Variants in PKD1L3 observed in about 807,000 individuals in gnomAD.
PKD1L3 encodes polycystin 1 like 3, transient receptor potential channel interacting.
Under a neutral mutation model 184.1 loss-of-function variants are expected in PKD1L3, and 239 were observed. The observed-to-expected ratio is 1.30, with a 90% confidence interval of 1.17 to 1.45. The LOEUF (loss-of-function observed/expected upper bound fraction) is 1.45, where lower values mean the gene tolerates loss of function less well. PKD1L3 is among the 40% of genes most tolerant of loss of function. The pLI is 0.00. For missense variants in PKD1L3, 2,660 were observed against 2,067.2 expected (o/e 1.29, Z -5.56); for synonymous variants, 996 against 778.8 (o/e 1.28, Z -4.64).
At chr16:71,992,539 T>C (rs2143861049) in intron 3 of PKD1L3, among the ~76,000 whole-genome samples, 1 of 152,368 alleles carries the variant, frequency 6.6e-6, no homozygotes, top group South Asian at 2.1e-4. Context: ...TTCCAAAATA[T>C]GTCATCTTTA....
chr16:71,940,394 C>T (rs1224667981), intron 24 of PKD1L3, among the ~76,000 whole-genome samples: 1 of 152,168 alleles, frequency 6.6e-6, no homozygotes, highest in Non-Finnish European at 1.5e-5. Context: ...GGCTCATATA[C>T]TCAAGATTGG....
chr16:71,965,225 G>A (rs1006175585), intron 15 of PKD1L3, among the ~76,000 whole-genome samples: 20 of 152,122 alleles, frequency 1.3e-4, no homozygotes, highest in Admixed American at 3.9e-4. Context: ...TGTAACAATC[G>A]TTTCCTTTTC....
chr16:71,990,216 G>A, intron 4 of PKD1L3, 64 bp downstream of exon 4: 1 of 1,357,622 alleles, frequency 7.4e-7, no homozygotes, highest in East Asian at 2.5e-5. Context: ...GCTCTAACCA[G>A]ATCTACTAGG....
intron 18 of PKD1L3, among the ~76,000 whole-genome samples, chr16:71,952,190 ATGTCATT>A (rs2038860612): frequency 7.5e-6 from 1 of 132,708 alleles, no homozygotes; most frequent in Non-Finnish European, 1.6e-5. Context: ...GAAAGGGAGC[ATGTCATT>A]TTTTTTTTTT....
At position 71,934,029 on chromosome 16, in the gene PKD1L3, C is replaced by T; in HGVS notation, c.4710G>A (p.Leu1570=). The T allele has an allele frequency of 6.4e-7, 1 of 1,551,850 alleles. No individual in the cohort carries two copies. The highest frequency in any genetic ancestry group is 8.7e-7 in the Non-Finnish European group (1 of 1,147,038). Residue 1570 remains leucine (L), a synonymous_variant, in exon 27 of 30, where the codon CTG becomes CTA. Coordinates refer to ENST00000620267, the MANE Select transcript of PKD1L3 (RefSeq NM_181536.2). Reference sequence around the variant, plus strand: ...CCCGCAGCCTGGGGCTATGACGCAGCAGGTTCCATAACTGAACAGTTGCCA... The same window carrying T: ...CCCGCAGCCTGGGGCTATGACGCAGTAGGTTCCATAACTGAACAGTTGCCA... ...VLLATVQLWN[L]LRHSPRLRVI...
chr16:71,978,539 A>T (rs79246180), intron 9 of PKD1L3, among the ~76,000 whole-genome samples, 156 bp from the exon 10 acceptor site: 41,034 of 109,574 alleles, frequency 0.37, 7,729 homozygotes, highest in East Asian at 0.41. Context: ...ACATACATAC[A>T]TACTTTTTTT....
chr16:71,941,675 C>T (rs1377573754), intron 24 of PKD1L3, among the ~76,000 whole-genome samples: 1 of 149,670 alleles, frequency 6.7e-6, no homozygotes, highest in Non-Finnish European at 1.5e-5. Context: ...ACCTCCACCT[C>T]CTGGGTTCAA....
At chr16:71,964,849 ATT>A (rs35311851) in intron 15 of PKD1L3, among the ~76,000 whole-genome samples, 9 of 137,564 alleles carry the variant, frequency 6.5e-5, no homozygotes, top group African/African-American at 5.4e-5. Context: ...ATATATATGT[ATT>A]TTTTTTTTTT....
At chr16:71,929,894 G>T in intron 29 of PKD1L3, 158 bp downstream of exon 29, 1 of 1,042,490 alleles carries the variant, frequency 9.6e-7, no homozygotes, top group Non-Finnish European at 1.4e-6. Context: ...CTTATAAATT[G>T]GGTTTCCTAG....
At chr16:71,967,613 G>A (rs1019663376) in intron 14 of PKD1L3, among the ~76,000 whole-genome samples, 3 of 151,962 alleles carry the variant, frequency 2.0e-5, no homozygotes, top group Admixed American at 6.6e-5. Context: ...TATAGTCATG[G>A]GCCATCACGC....
At chr16:71,984,552 C>T in intron 5 of PKD1L3, among the ~76,000 whole-genome samples, 1 of 152,136 alleles carries the variant, frequency 6.6e-6, no homozygotes, top group Non-Finnish European at 1.5e-5. Flanking sequence ...GTGTGTGTTT[C>T]CCTCCATTCA....
At chr16:71,985,658 C>T (rs2040330598) in intron 5 of PKD1L3, among the ~76,000 whole-genome samples, 1 of 152,162 alleles carries the variant, frequency 6.6e-6, no homozygotes, top group African/African-American at 2.4e-5. Context: ...TGGTCTCAAA[C>T]TCGGGCTTAC....
intron 24 of PKD1L3, among the ~76,000 whole-genome samples, chr16:71,938,619 C>A (rs937951917): frequency 2.6e-5 from 4 of 152,248 alleles, no homozygotes; most frequent in African/African-American, 2.4e-5. Context: ...GACCAATAAG[C>A]ACACACTTAC....
Position 71,993,229 on chromosome 16 carries a change from G to C in PKD1L3, c.522C>G (p.Asp174Glu). 1 of 1,547,134 alleles carries C rather than the reference G, an allele frequency of 6.5e-7. No individual in the cohort carries two copies. The highest frequency in any genetic ancestry group is 8.7e-7 in the Non-Finnish European group (1 of 1,144,320). ...GTAACGCATTACCTGGGGGCATTTT[G>C]TCTCTTGCTATTGCAACTCCTCTTT... Reference protein sequence around the residue: ...KTKRGVAIARDKMPPGPGHLP... With the variant: ...KTKRGVAIAREKMPPGPGHLP... The change falls in exon 3 of 30, where the codon GAC (aspartate) becomes GAG (glutamate). Residue 174 changes from aspartate to glutamate, a missense_variant. Asp to Glu is a conservative substitution (Grantham distance 45, BLOSUM62 2). Coordinates refer to ENST00000620267, the MANE Select transcript of PKD1L3 (RefSeq NM_181536.2).
chr16:71,980,037 G>A lies in PKD1L3; in HGVS notation c.1241C>T (p.Thr414Ile). The A allele has an allele frequency of 1.9e-6, 3 of 1,552,048 alleles. No individual in the cohort carries two copies. The highest frequency in any genetic ancestry group is 2.6e-6 in the Non-Finnish European group (3 of 1,147,086). The change falls in exon 8 of 30, where the codon ACC becomes ATC. Residue 414 changes from threonine (T) to isoleucine (I), a missense_variant. Transcript: ENST00000620267. ...CAGCAGCAGAGTAGCATTGGCAGAG[G>A]TCAAAGTCACTGAAGACTCGGGAGA... ...NQSPESSVTL[T>I]SANATLLLSR...
chr16:71,988,170 G>T (rs1336356359), intron 4 of PKD1L3, among the ~76,000 whole-genome samples: 1 of 152,120 alleles, frequency 6.6e-6, no homozygotes, highest in African/African-American at 2.4e-5. Flanking sequence ...AGATCAGTAG[G>T]AGGCAAATGT....
chr16:71,947,494 A>G lies in PKD1L3; in HGVS notation c.3716T>C (p.Leu1239Ser). 3 of 1,524,660 alleles carry G rather than the reference A, an allele frequency of 2.0e-6. No individual in the cohort carries two copies. Among genetic ancestry groups the G allele is most frequent in the Non-Finnish European group, 2.7e-6 (3 of 1,125,796 alleles). 94.4% of individuals were successfully genotyped at this position (1,524,660 alleles called of 1,614,324 possible). ...GTTGTTAGAACTACTTGAGTTACCC[A>G]AGAGTGCCAAGATCCTCTTTGTTTG... ...EQQTKRILAL[L>S]AKCSSSVPGS... Residue 1239 changes from leucine (L) to serine (S), a missense_variant and splice_region_variant, in exon 22 of 30, where the codon TTG (leucine) becomes TCG (serine). Physicochemically the swap from Leu to Ser is moderately radical, Grantham distance 145. Transcript: ENST00000620267.
At chr16:71,932,733 G>C (rs891763633) in intron 28 of PKD1L3, among the ~76,000 whole-genome samples, 36 of 145,450 alleles carry the variant, frequency 2.5e-4, no homozygotes, top group Non-Finnish European at 5.0e-4. Flanking sequence ...CGCTGGCTTC[G>C]GCTTCCCAAA....
chr16:72,000,013 T>G lies in PKD1L3; in HGVS notation c.-35A>C. 1 of 1,450,780 alleles carries G rather than the reference T, an allele frequency of 6.9e-7. No homozygotes were observed. The highest frequency in any genetic ancestry group is 2.4e-5 in the Admixed American group (1 of 41,512). The allele number at this position is 1,450,780 out of a possible 1,614,324, so 89.9% of individuals were successfully genotyped here. Reference sequence around the variant, plus strand: ...ATTGTAGCAAGAAAAAGTGTGGGGGTTTAGCAGCTGCCTGGTCCTTTAAAT... The same window carrying G: ...ATTGTAGCAAGAAAAAGTGTGGGGGGTTAGCAGCTGCCTGGTCCTTTAAAT... On this transcript the variant is annotated 5_prime_UTR_variant, in exon 1 of 30. Transcript: ENST00000620267.
Sources: gnomAD v4.1 joint callset for allele counts (sites outside exome capture counted in the v4.1 genomes callset) on GRCh38, gnomAD v4.1.1 for gene constraint, MANE v1.5 for transcripts, NCBI Gene and HGNC (gene_info 2026-07-23, HGNC 2026-07-21) for gene names.